Variants in DNTTIP1 observed in about 807,000 individuals in gnomAD.
DNTTIP1 encodes the protein deoxynucleotidyltransferase terminal-interacting protein 1.
In DNTTIP1, 22 loss-of-function variants were observed where a neutral mutation model predicts 52.9. That is an observed-to-expected ratio of 0.42 (90% confidence interval 0.30 to 0.59). DNTTIP1 has a LOEUF of 0.59. Ranked by LOEUF, DNTTIP1 falls within the 20% of genes least tolerant of loss-of-function variation. The probability of loss-of-function intolerance (pLI) is 0.22; values close to 1 mark genes in which losing one functional copy is unlikely to be tolerated. For synonymous variants in DNTTIP1, 136 were observed against 155.1 expected (o/e 0.88, Z 0.92); for missense variants, 286 against 435.5 (o/e 0.66, Z 3.06).
At chr20:45,804,296 C>T (rs567941540) in intron 8 of DNTTIP1, among the ~76,000 whole-genome samples, 2 of 152,228 alleles carry the variant, frequency 1.3e-5, no homozygotes, top group African/African-American at 2.4e-5. Context: ...TACACCCAGT[C>T]GAGTCCTGGA....
chr20:45,792,876 C>A, intron 2 of DNTTIP1, 129 bp downstream of exon 2: 1 of 729,814 alleles, frequency 1.4e-6, no homozygotes, highest in Non-Finnish European at 2.1e-6. Flanking sequence ...GAAGAGGAGA[C>A]TCCGATTCTG....
At position 45,803,040 on chromosome 20, in the gene DNTTIP1, C is replaced by G. The variant is rs1981524154; in HGVS notation, c.558-293C>G. 8.0e-6 allele frequency: 3 copies of G among 374,394 alleles called. No homozygotes were observed. The South Asian group carries it at 1.1e-4, about 13-fold the overall frequency. The allele number at this position is 374,394 out of a possible 1,614,324, so 23.2% of individuals were successfully genotyped here. A position where few individuals can be genotyped will look rare whatever the true frequency, so the allele number is the denominator to read the frequency against. Reference sequence around the variant, plus strand: ...ACGAAGCAGTTTTATTCCTCACAAACACAAGATAGGTAGGGCAGTTGCTGT... The same window carrying G: ...ACGAAGCAGTTTTATTCCTCACAAAGACAAGATAGGTAGGGCAGTTGCTGT... On this transcript the variant is annotated intron_variant, in intron 7 of 12. Coordinates refer to ENST00000372622, the MANE Select transcript of DNTTIP1 (RefSeq NM_052951.3).
At chr20:45,810,967 T>C in intron 12 of DNTTIP1, 27 bp downstream of exon 12, 1 of 1,614,116 alleles carries the variant, frequency 6.2e-7, no homozygotes, top group Non-Finnish European at 8.5e-7. Context: ...TCCTGCCCCT[T>C]CTCCTCTCCC....
In DNTTIP1 at chr20:45,791,970, C is replaced by CAAA; in HGVS notation, c.-34_-33insAAA. 2 of 1,213,030 alleles carry CAAA rather than the reference C, an allele frequency of 1.6e-6. No individual in the cohort carries two copies. Among genetic ancestry groups the CAAA allele is most frequent in the Non-Finnish European group, 2.1e-6 (2 of 966,298 alleles). The allele number at this position is 1,213,030 out of a possible 1,614,324, so 75.1% of individuals were successfully genotyped here. On this transcript the variant is annotated 5_prime_UTR_variant, in exon 1 of 13. Coordinates refer to ENST00000372622, the MANE Select transcript of DNTTIP1 (RefSeq NM_052951.3). ...CACGGCGCCACTTTCCGGCCGGTGA[C>CAAA]AGAGTCCAGCGGAGTTGTGGGGGCC... is the stretch of plus-strand genomic sequence containing the variant.
chr20:45,796,937 C>G (rs1981259334), intron 4 of DNTTIP1, among the ~76,000 whole-genome samples: 1 of 152,200 alleles, frequency 6.6e-6, no homozygotes, highest in African/African-American at 2.4e-5. Context: ...CTACTCTTCT[C>G]TCTCACCCCC....
rs550474210 is a variant in DNTTIP1, at chr20:45,809,166, G to A, written c.776G>A (p.Arg259Gln). ...TGGCTGGCTGAGCAGCATCACATGC[G>A]GGCAACAGGGGGCAAGATGGTAAGC... is the stretch of plus-strand genomic sequence containing the variant. The part of the protein sequence containing the change: ...KHWLAEQHHM[R>Q]ATGGKMAYLL... The change falls in exon 11 of 13, where the codon CGG (arginine) becomes CAG (glutamine). Residue 259 changes from arginine to glutamine, a missense_variant. Arg to Gln is a conservative substitution (Grantham distance 43). Coordinates refer to ENST00000372622, the MANE Select transcript of DNTTIP1 (RefSeq NM_052951.3). The surrounding 1 kb of genome is among the most constrained non-coding windows in gnomAD (Gnocchi z 4.2). 4 of 1,614,044 alleles carry A rather than the reference G, an allele frequency of 2.5e-6. No homozygotes were observed. Among genetic ancestry groups the A allele is most frequent in the East Asian group, 4.5e-5 (2 of 44,886 alleles).
chr20:45,807,344 A>G (rs1409280804), intron 10 of DNTTIP1, among the ~76,000 whole-genome samples: 1 of 151,314 alleles, frequency 6.6e-6, no homozygotes, highest in East Asian at 1.9e-4. Context: ...CTGCTCTCAA[A>G]CTCCTGAGCT....
intron 4 of DNTTIP1, among the ~76,000 whole-genome samples, chr20:45,795,675 T>C (rs1404327476): frequency 6.6e-6 from 1 of 152,160 alleles, no homozygotes; most frequent in African/African-American, 2.4e-5. Context: ...GGTGCACGCC[T>C]ATAATCCTAG....
intron 4 of DNTTIP1, chr20:45,796,387 CA>C (rs11477536): frequency 0.51 from 186,520 of 366,018 alleles, 25,100 homozygotes; most frequent in Non-Finnish European, 0.54. Context: ...AAAAGCAAAG[CA>C]AAAAAAAAAA....
intron 2 of DNTTIP1, among the ~76,000 whole-genome samples, chr20:45,793,029 A>G (rs575593174): frequency 1.3e-5 from 2 of 152,332 alleles, no homozygotes; most frequent in East Asian, 1.9e-4. Flanking sequence ...TGAGGGCTCT[A>G]AAGAGGTCAG....
intron 10 of DNTTIP1, among the ~76,000 whole-genome samples, chr20:45,806,097 T>C (rs1981634811): frequency 6.6e-6 from 1 of 151,560 alleles, no homozygotes; most frequent in African/African-American, 2.4e-5. Flanking sequence ...GGCTCACGCC[T>C]GTAATCCCAG....
chr20:45,798,179 T>G (rs1425085012), intron 4 of DNTTIP1, among the ~76,000 whole-genome samples: 1 of 152,078 alleles, frequency 6.6e-6, no homozygotes, highest in Admixed American at 6.6e-5. Flanking sequence ...CATGTCCTTT[T>G]TAGGGACATG....
chr20:45,806,364 A>AAAAAAAAG (rs1981647400), intron 10 of DNTTIP1, among the ~76,000 whole-genome samples: 2 of 151,706 alleles, frequency 1.3e-5, no homozygotes, highest in Admixed American at 1.3e-4. Flanking sequence ...TCAAAAAAAA[A>AAAAAAAAG]AAAATAGAGT....
intron 8 of DNTTIP1, 70 bp downstream of exon 8, chr20:45,803,448 T>C: frequency 6.3e-7 from 1 of 1,577,086 alleles, no homozygotes; most frequent in East Asian, 2.2e-5. Context: ...GGACCCACCA[T>C]GAGGGAAAGG....
In DNTTIP1 at chr20:45,811,231, C is replaced by T. The variant is rs756774891; in HGVS notation, c.*36C>T. ...CCTGGCCACACTTGGCAGCCCTCCT[C>T]CAAAGCCCTCTTCCTCACGTGGCTG... On this transcript the variant is annotated 3_prime_UTR_variant, in exon 13 of 13. Coordinates refer to ENST00000372622, the MANE Select transcript of DNTTIP1 (RefSeq NM_052951.3). 8.9e-6 allele frequency: 14 copies of T among 1,574,238 alleles called. No individual in the cohort carries two copies. In the South Asian group the frequency reaches 1.4e-4, roughly 16 times the overall value.
At chr20:45,800,730 T>TTTGGA (rs1253975697) in intron 4 of DNTTIP1, among the ~76,000 whole-genome samples, 1 of 56,090 alleles carries the variant, frequency 1.8e-5, no homozygotes, top group Admixed American at 2.4e-4. Context: ...TATATATATA[T>TTTGGA]ATATATATAT....
chr20:45,805,705 T>C (rs1388013314), intron 10 of DNTTIP1, among the ~76,000 whole-genome samples: 1 of 152,218 alleles, frequency 6.6e-6, no homozygotes, highest in African/African-American at 2.4e-5. Context: ...GTTATTCAGC[T>C]AGAAATGGTG....
Position 45,805,379 on chromosome 20 carries a change from T to C in DNTTIP1, c.723+13T>C, listed in dbSNP as rs186694779. Reference sequence around the variant, plus strand: ...ACACCTCTTTAAGGTAGGTGACTGCTGGGAGGAAAGCAGGCCATTGCATTG... The same window carrying C: ...ACACCTCTTTAAGGTAGGTGACTGCCGGGAGGAAAGCAGGCCATTGCATTG... On this transcript the variant is annotated intron_variant, in intron 10 of 12. Coordinates refer to ENST00000372622, the MANE Select transcript of DNTTIP1 (RefSeq NM_052951.3). The C allele has an allele frequency of 8.7e-6, 14 of 1,613,526 alleles. No individual in the cohort carries two copies. In the African/African-American group the frequency reaches 1.9e-4, roughly 22 times the overall value.
chr20:45,796,164 C>CTA (rs975788453), intron 4 of DNTTIP1, among the ~76,000 whole-genome samples: 1 of 152,066 alleles, frequency 6.6e-6, no homozygotes, highest in Non-Finnish European at 1.5e-5. Flanking sequence ...AGCATGATGA[C>CTA]TATAGTTTAT....
Sources: gnomAD v4.1 joint callset for allele counts (sites outside exome capture counted in the v4.1 genomes callset) on GRCh38, gnomAD v4.1.1 for gene constraint, Gnocchi (gnomAD v3.1) non-coding constraint, MANE v1.5 for transcripts, NCBI Gene and HGNC (gene_info 2026-07-23, HGNC 2026-07-21) for gene names.